The following SHROOM3 variants were observed in gnomAD, a reference collection of about 807,000 sequenced individuals.
SHROOM3 encodes the protein protein Shroom3.
A neutral mutation model predicts 138.6 loss-of-function variants in SHROOM3; 47 were observed. The ratio of observed to expected loss-of-function variants is 0.34; its 90% CI spans 0.27 to 0.43. The LOEUF is 0.43. SHROOM3 is among the 20% of genes least tolerant of loss of function. The probability of loss-of-function intolerance (pLI) is 1.00; values close to 1 mark genes in which losing one functional copy is unlikely to be tolerated. For synonymous variants in SHROOM3, 1,062 were observed against 1,063.3 expected (o/e 1.00, Z 0.02); for missense variants, 2,491 against 2,596.5 (o/e 0.96, Z 0.88).
At chr4:76,454,291 G>A (rs541400200) in intron 1 of SHROOM3, among the ~76,000 whole-genome samples, 1 of 152,116 alleles carries the variant, frequency 6.6e-6, no homozygotes, top group African/African-American at 2.4e-5. Flanking sequence ...TGATCCACCC[G>A]CCTTGGCCTC....
chr4:76,435,949 C>T lies in SHROOM3; in HGVS notation c.-104C>T. On this transcript the variant is annotated 5_prime_UTR_variant, in exon 1 of 11. Coordinates refer to ENST00000296043, the MANE Select transcript of SHROOM3 (RefSeq NM_020859.4). The stretch of plus-strand genomic sequence containing the variant: ...TGCTTCTCCAAACCTCTCTTTTGGC[C>T]ATTGTGTGTCCTGAAGGATGGGACA... 8.2e-7 allele frequency: 1 copy of T among 1,219,102 alleles called. No individual in the cohort carries two copies. The highest frequency in any genetic ancestry group is 1.2e-6 in the Non-Finnish European group (1 of 865,694). The allele number at this position is 1,219,102 out of a possible 1,614,324, so 75.5% of individuals were successfully genotyped here.
intron 5 of SHROOM3, among the ~76,000 whole-genome samples, chr4:76,744,564 A>G (rs1184548857): frequency 6.6e-6 from 1 of 152,226 alleles, no homozygotes; most frequent in Non-Finnish European, 1.5e-5. Flanking sequence ...CTCTCACCAC[A>G]TAACTATTGT....
rs552996889 is a variant in SHROOM3, at chr4:76,626,904, T to C, written c.323+71141T>C. Among the ~76,000 whole-genome samples the C allele has an allele frequency of 7.2e-5, 11 of 152,220 alleles. No homozygotes were observed. The South Asian group carries it at 1.2e-3, about 17-fold the overall frequency. ...AGAATACTTTTCTTTGTGTATACCA[T>C]GATGACATCATGGCTAATGGGCTAC... On this transcript the variant is annotated intron_variant, in intron 2 of 10. Transcript: ENST00000296043.
chr4:76,740,866 C>G lies in SHROOM3; in HGVS notation c.2693C>G (p.Pro898Arg). ...SQSTFQLSSE[P>R]EREPEWRDRP... ...AGCACCTTCCAGCTCTCCAGCGAGC[C>G]AGAGAGGGAGCCCGAGTGGCGGGAC... is the stretch of plus-strand genomic sequence containing the variant. The change falls in exon 5 of 11, where the codon CCA becomes CGA. Residue 898 changes from proline to arginine, a missense_variant. By Grantham distance (103) the Pro-to-Arg change is moderately radical. Around this residue, in one of 4 missense-constraint regions of SHROOM3, gnomAD observed 1,733 missense variants for 1,661.6 expected, o/e 1.04. Coordinates refer to ENST00000296043, the MANE Select transcript of SHROOM3 (RefSeq NM_020859.4). This position sits in a 1 kb window ranked among gnomAD's most constrained non-coding sequence, Gnocchi z 4.0. The G allele has an allele frequency of 6.4e-7, 1 of 1,556,202 alleles. No homozygotes were observed. Among genetic ancestry groups the G allele is most frequent in the Admixed American group, 1.9e-5 (1 of 52,178 alleles).
intron 2 of SHROOM3, among the ~76,000 whole-genome samples, chr4:76,558,989 C>T (rs371946635): frequency 9.2e-5 from 14 of 152,328 alleles, no homozygotes; most frequent in African/African-American, 2.6e-4. Context: ...ACGTTCTCCT[C>T]TCCATTTTCA....
At chr4:76,696,425 C>T (rs1298236351) in intron 2 of SHROOM3, among the ~76,000 whole-genome samples, 4 of 152,192 alleles carry the variant, frequency 2.6e-5, no homozygotes, top group East Asian at 1.9e-4. Context: ...CTGGCTGGGG[C>T]GGAGGCCATT....
intron 3 of SHROOM3, chr4:76,716,453 T>C (rs1029609582): frequency 1.9e-6 from 1 of 518,618 alleles, no homozygotes; most frequent in African/African-American, 1.9e-5. Flanking sequence ...GAATCTTTCA[T>C]TGCAGGATCC....
chr4:76,589,398 C>T (rs78802140), intron 2 of SHROOM3, among the ~76,000 whole-genome samples: 11,080 of 150,496 alleles, frequency 0.074, 453 homozygotes, highest in East Asian at 0.18. Flanking sequence ...ACCCAGAAGG[C>T]GGAGGTTGCA....
intron 2 of SHROOM3, among the ~76,000 whole-genome samples, chr4:76,706,246 C>A (rs891046039): frequency 6.6e-6 from 1 of 152,076 alleles, no homozygotes; most frequent in Non-Finnish European, 1.5e-5. Flanking sequence ...TCCCGAGTGG[C>A]TGGGATTACA....
chr4:76,469,728 A>T (rs1731328755), intron 1 of SHROOM3, among the ~76,000 whole-genome samples: 1 of 152,218 alleles, frequency 6.6e-6, no homozygotes, highest in Non-Finnish European at 1.5e-5. Context: ...AAGTGCTGGG[A>T]TTACAGGCGT....
chr4:76,654,521 G>C (rs1736024294), intron 2 of SHROOM3, among the ~76,000 whole-genome samples: 2 of 152,106 alleles, frequency 1.3e-5, no homozygotes, highest in Admixed American at 6.5e-5. Context: ...TAGAGATGGG[G>C]TTTCACCATG....
chr4:76,698,922 A>G (rs1394624515), intron 2 of SHROOM3, among the ~76,000 whole-genome samples: 1 of 152,114 alleles, frequency 6.6e-6, no homozygotes, highest in Non-Finnish European at 1.5e-5. Flanking sequence ...TTAAATATTT[A>G]TATTCCTCCC....
intron 1 of SHROOM3, among the ~76,000 whole-genome samples, chr4:76,447,614 T>C (rs989602071): frequency 6.6e-6 from 1 of 152,224 alleles, no homozygotes; most frequent in Admixed American, 6.5e-5. Flanking sequence ...CTCTTTTCTC[T>C]CATGCTTTGC....
intron 2 of SHROOM3, among the ~76,000 whole-genome samples, chr4:76,623,853 G>A (rs28372129): frequency 0.13 from 19,851 of 152,156 alleles, 1,460 homozygotes; most frequent in East Asian, 0.31. Flanking sequence ...CTGGGCGGGG[G>A]AAGGGGAGAA....
intron 2 of SHROOM3, chr4:76,573,584 G>C (rs1370610198): frequency 6.5e-6 from 1 of 154,426 alleles, no homozygotes. Context: ...GGGATTTGGA[G>C]AAGTGGTGAG....
At chr4:76,549,803 G>A (rs1733309765) in intron 1 of SHROOM3, among the ~76,000 whole-genome samples, 2 of 152,130 alleles carry the variant, frequency 1.3e-5, no homozygotes, top group South Asian at 4.2e-4. Context: ...GGAATGTGAG[G>A]GTCCTAAGGA....
intron 1 of SHROOM3, among the ~76,000 whole-genome samples, chr4:76,553,565 C>G (rs11723845): frequency 6.6e-6 from 1 of 151,952 alleles, no homozygotes; most frequent in African/African-American, 2.4e-5. Context: ...CATGAGACAC[C>G]GCACGAGGCC....
chr4:76,571,737 A>G (rs956878919), intron 2 of SHROOM3, among the ~76,000 whole-genome samples: 8 of 152,226 alleles, frequency 5.3e-5, no homozygotes, highest in African/African-American at 1.9e-4. Context: ...GAAATGTTGT[A>G]ACATTCATTA....
intron 9 of SHROOM3, among the ~76,000 whole-genome samples, chr4:76,763,164 T>C (rs775502880): frequency 2.0e-5 from 3 of 152,106 alleles, no homozygotes; most frequent in Admixed American, 6.6e-5. Flanking sequence ...GGCAGGAGGA[T>C]TGCTGGAGCC....
Sources: gnomAD v4.1 joint callset for allele counts (sites outside exome capture counted in the v4.1 genomes callset) on GRCh38, gnomAD v4.1.1 for gene constraint, gnomAD v4.1.1 regional missense constraint, Gnocchi (gnomAD v3.1) non-coding constraint, MANE v1.5 for transcripts, NCBI Gene and HGNC (gene_info 2026-07-23, HGNC 2026-07-21) for gene names.